KCNAB1: variants seen among roughly 807,000 people sequenced by gnomAD.
The protein encoded by KCNAB1 is potassium voltage-gated channel subfamily A regulatory beta subunit 1, also known as voltage-gated potassium channel subunit beta-1.
KCNAB1 carries 35 observed loss-of-function variants against 64.6 expected under a neutral mutation model. That is an observed-to-expected ratio of 0.54 (90% CI 0.41 to 0.72). The LOEUF (loss-of-function observed/expected upper bound fraction) is 0.72, where lower values mean the gene tolerates loss of function less well. Among genes scored for constraint, KCNAB1 ranks in the 30% least tolerant of loss-of-function variants. The pLI, the probability that KCNAB1 is intolerant of heterozygous loss-of-function variation, is 0.00. For missense variants in KCNAB1, 401 were observed against 512.9 expected, an observed-to-expected ratio of 0.78 and a Z score of 2.11; for synonymous variants, 177 against 183.8, an observed-to-expected ratio of 0.96 and a Z score of 0.30.
chr3:156,497,415 C>G (rs987395170), intron 8 of KCNAB1, among the ~76,000 whole-genome samples: 1 of 152,188 alleles, frequency 6.6e-6, no homozygotes, highest in Non-Finnish European at 1.5e-5. Context: ...TTACTCTTAT[C>G]AATCCTCTGC....
chr3:156,240,224 G>C (rs1454328210), intron 1 of KCNAB1, among the ~76,000 whole-genome samples: 1 of 152,074 alleles, frequency 6.6e-6, no homozygotes, highest in Non-Finnish European at 1.5e-5. Flanking sequence ...AACACATTTT[G>C]ACATTTCTAA....
intron 1 of KCNAB1, among the ~76,000 whole-genome samples, chr3:156,182,234 T>G (rs1328864177): frequency 2.6e-5 from 4 of 152,172 alleles, no homozygotes; most frequent in African/African-American, 9.6e-5. Context: ...CCCAATTAGT[T>G]TGTGGATTGT....
intron 1 of KCNAB1, among the ~76,000 whole-genome samples, chr3:156,368,633 A>C (rs1170003685): frequency 6.6e-6 from 1 of 152,204 alleles, no homozygotes. Flanking sequence ...GAATGGCATC[A>C]ATGTGCCTGG....
Position 156,250,613 on chromosome 3 carries a change from A to G in KCNAB1, c.275+129727A>G, listed in dbSNP as rs368251096. Reference sequence around the variant, plus strand: ...CATTCTCTTTTTTTACCCTTGATAGAGTAGTTATCAGAGTTCCTGGGAGAG... The same window carrying G: ...CATTCTCTTTTTTTACCCTTGATAGGGTAGTTATCAGAGTTCCTGGGAGAG... On this transcript the variant is annotated intron_variant, in intron 1 of 13. Coordinates refer to ENST00000490337, the MANE Select transcript of KCNAB1 (RefSeq NM_172160.3). Among the ~76,000 whole-genome samples the G allele has an allele frequency of 2.0e-5, 3 of 152,238 alleles. No individual in the cohort carries two copies. In the East Asian group the frequency reaches 5.8e-4, roughly 29 times the overall value.
intron 1 of KCNAB1, among the ~76,000 whole-genome samples, chr3:156,249,299 A>G (rs1287580486): frequency 6.6e-6 from 1 of 152,108 alleles, no homozygotes; most frequent in East Asian, 1.9e-4. Context: ...GCAGTGGCTC[A>G]TGCCTGTAAT....
In KCNAB1 at chr3:156,193,688, G is replaced by A. The variant is rs569378909; in HGVS notation, c.275+72802G>A. ...CATCAGATCTCATGAGAACTCAGTC[G>A]TCACTATCATGAGAAAACATGGGGG... On this transcript the variant is annotated intron_variant, in intron 1 of 13. Coordinates refer to ENST00000490337, the MANE Select transcript of KCNAB1 (RefSeq NM_172160.3). Among the ~76,000 whole-genome samples, 6 of 152,156 alleles carry A rather than the reference G, an allele frequency of 3.9e-5. No individual in the cohort carries two copies. In the South Asian group the frequency reaches 6.2e-4, roughly 16 times the overall value.
At chr3:156,533,119 C>T (rs1467463532) in intron 13 of KCNAB1, among the ~76,000 whole-genome samples, 1 of 152,162 alleles carries the variant, frequency 6.6e-6, no homozygotes, top group Admixed American at 6.5e-5. Context: ...GGATGTTTTA[C>T]GTGCCAGTAG....
intron 1 of KCNAB1, among the ~76,000 whole-genome samples, chr3:156,403,713 T>C (rs1714056119): frequency 1.3e-5 from 2 of 151,996 alleles, no homozygotes; most frequent in South Asian, 2.1e-4. Context: ...AGCAACATGG[T>C]GAAACCCGGT....
chr3:156,471,946 G>A (rs1423194657), intron 7 of KCNAB1, among the ~76,000 whole-genome samples: 2 of 152,172 alleles, frequency 1.3e-5, no homozygotes, highest in Admixed American at 6.5e-5. Flanking sequence ...GCTCAGAGAG[G>A]CTAAGGGATA....
At chr3:156,337,364 C>T (rs1284621365) in intron 1 of KCNAB1, among the ~76,000 whole-genome samples, 1 of 152,186 alleles carries the variant, frequency 6.6e-6, no homozygotes, top group Non-Finnish European at 1.5e-5. Flanking sequence ...AATGGTTTGA[C>T]TTGTTTCATG....
intron 1 of KCNAB1, among the ~76,000 whole-genome samples, chr3:156,388,598 A>C (rs1178496028): frequency 6.6e-6 from 1 of 152,244 alleles, no homozygotes; most frequent in African/African-American, 2.4e-5. Flanking sequence ...GAGTTACATC[A>C]TAGTCTATTT....
At chr3:156,274,171 GA>G (rs1719197579) in intron 1 of KCNAB1, among the ~76,000 whole-genome samples, 1 of 151,906 alleles carries the variant, frequency 6.6e-6, no homozygotes, top group Admixed American at 6.6e-5. Context: ...TACATACCTT[GA>G]AAAATCCTCA....
intron 7 of KCNAB1, among the ~76,000 whole-genome samples, chr3:156,468,482 A>C (rs922798810): frequency 1.3e-5 from 2 of 152,038 alleles, no homozygotes; most frequent in Non-Finnish European, 2.9e-5. Flanking sequence ...TGGGCTTTCA[A>C]ATCAGACCTT....
upstream of KCNAB1, chr3:156,118,266 C>CTGT (rs932349595): frequency 1.2e-4 from 53 of 451,342 alleles, no homozygotes; most frequent in African/African-American, 9.4e-4. Context: ...CTCAAGCTGG[C>CTGT]TGTTGTCTGG....
intron 1 of KCNAB1, among the ~76,000 whole-genome samples, chr3:156,209,152 G>A (rs953024804): frequency 1.3e-5 from 2 of 152,170 alleles, no homozygotes. Context: ...ATCAGAGTGT[G>A]TATGGTATTA....
rs918655795 is a variant in KCNAB1 at position 156,124,224 on chromosome 3, T to C, written c.275+3338T>C. On this transcript the variant is annotated intron_variant, in intron 1 of 13. Coordinates refer to ENST00000490337, the MANE Select transcript of KCNAB1 (RefSeq NM_172160.3). ...AGGATCTATTTCTTTTCTTTTTTTT[T>C]TTTTCTTTTTGAGATGGAGTCTCAC... Among the ~76,000 whole-genome samples the C allele has an allele frequency of 7.2e-5, 11 of 151,758 alleles. No individual in the cohort carries two copies. In the East Asian group the frequency reaches 1.9e-3, roughly 27 times the overall value.
intron 5 of KCNAB1, among the ~76,000 whole-genome samples, chr3:156,460,899 A>C (rs1284813808): frequency 1.3e-5 from 2 of 152,318 alleles, no homozygotes; most frequent in East Asian, 3.9e-4. Flanking sequence ...TCTGAGATAA[A>C]CTTTTGGTAG....
At chr3:156,384,877 C>A (rs542449909) in intron 1 of KCNAB1, among the ~76,000 whole-genome samples, 1 of 152,172 alleles carries the variant, frequency 6.6e-6, no homozygotes, top group East Asian at 1.9e-4. Context: ...GGGGTAGGGG[C>A]ACCTGGAAGG....
At chr3:156,303,167 G>A (rs889559321) in intron 1 of KCNAB1, among the ~76,000 whole-genome samples, 1 of 152,176 alleles carries the variant, frequency 6.6e-6, no homozygotes, top group African/African-American at 2.4e-5. Context: ...AAGCCTGGGT[G>A]TTCCCCAGTT....
Sources: allele counts gnomAD v4.1 joint callset (sites outside exome capture counted in the v4.1 genomes callset), GRCh38; gene constraint gnomAD v4.1.1; transcripts MANE v1.5; gene names NCBI Gene and HGNC (gene_info 2026-07-23, HGNC 2026-07-21).